NSMCE2: variants seen among roughly 807,000 people sequenced by gnomAD.
The protein encoded by NSMCE2 is NSE2 SUMO ligase component of SMC5/6 complex.
NSMCE2 carries 24 observed loss-of-function variants against 23.8 expected under a neutral mutation model. That is an observed-to-expected ratio of 1.01 (90% CI 0.73 to 1.42). NSMCE2 has a LOEUF of 1.42. Among genes scored for constraint, NSMCE2 ranks in the 40% most tolerant of loss-of-function variants. The pLI, the probability that NSMCE2 is intolerant of heterozygous loss-of-function variation, is 0.00. For missense variants in NSMCE2, 284 were observed against 296.5 expected (o/e 0.96, Z 0.31); for synonymous variants, 92 against 94.1 (o/e 0.98, Z 0.13).
At chr8:125,103,538 TCTG>T (rs1429819520) in intron 3 of NSMCE2, among the ~76,000 whole-genome samples, 1 of 152,202 alleles carries the variant, frequency 6.6e-6, no homozygotes, top group African/African-American at 2.4e-5. Context: ...TGGAAAAATT[TCTG>T]CTACTATTTC....
intron 5 of NSMCE2, among the ~76,000 whole-genome samples, chr8:125,209,838 T>A (rs1239466754): frequency 6.6e-6 from 1 of 152,236 alleles, no homozygotes; most frequent in Non-Finnish European, 1.5e-5. Flanking sequence ...TAATAGCTCT[T>A]ATCATTTCAT....
At chr8:125,319,914 C>T (rs1175925700) in intron 5 of NSMCE2, among the ~76,000 whole-genome samples, 8 of 151,968 alleles carry the variant, frequency 5.3e-5, no homozygotes, top group African/African-American at 1.2e-4. Flanking sequence ...TGGTGGCTCA[C>T]GCCTGTAATC....
intron 4 of NSMCE2, among the ~76,000 whole-genome samples, chr8:125,168,356 A>G (rs1198179511): frequency 6.6e-6 from 1 of 152,224 alleles, no homozygotes; most frequent in Admixed American, 6.5e-5. Flanking sequence ...GAAAAGGAAG[A>G]AGACTGTCTA....
At chr8:125,258,835 T>C (rs1235052518) in intron 5 of NSMCE2, among the ~76,000 whole-genome samples, 2 of 152,220 alleles carry the variant, frequency 1.3e-5, no homozygotes, top group Non-Finnish European at 2.9e-5. Context: ...TGACATTTCC[T>C]TGGTACAAGA....
intron 5 of NSMCE2, among the ~76,000 whole-genome samples, chr8:125,265,615 C>T (rs907256729): frequency 2.0e-5 from 3 of 152,202 alleles, no homozygotes; most frequent in Non-Finnish European, 4.4e-5. Flanking sequence ...TTTTGCCTCT[C>T]AGGCAGGTGG....
chr8:125,306,823 G>C (rs1828783593), intron 5 of NSMCE2, among the ~76,000 whole-genome samples: 1 of 152,126 alleles, frequency 6.6e-6, no homozygotes, highest in Non-Finnish European at 1.5e-5. Context: ...GTGACCTTGG[G>C]CAAAATACTT....
At chr8:125,190,870 T>C (rs893913216) in intron 5 of NSMCE2, among the ~76,000 whole-genome samples, 79 of 152,118 alleles carry the variant, frequency 5.2e-4, no homozygotes, top group Non-Finnish European at 9.7e-4. Flanking sequence ...TTTATGTACA[T>C]TATTATGATT....
intron 5 of NSMCE2, among the ~76,000 whole-genome samples, chr8:125,191,137 A>C (rs6470342): frequency 6.6e-6 from 1 of 151,896 alleles, no homozygotes; most frequent in African/African-American, 2.4e-5. Flanking sequence ...CTCCCAAAGC[A>C]CTGGGATTAC....
intron 5 of NSMCE2, among the ~76,000 whole-genome samples, chr8:125,294,221 G>T (rs1445956787): frequency 6.6e-6 from 1 of 152,090 alleles, no homozygotes; most frequent in East Asian, 1.9e-4. Context: ...ATGGTCATCT[G>T]GGTTCTTTCT....
chr8:125,127,062 A>G (rs1000437167), intron 3 of NSMCE2: 2 of 152,200 alleles, frequency 1.3e-5, no homozygotes, highest in Non-Finnish European at 1.5e-5. Context: ...GCTATCTGCT[A>G]GCTCTGTGAG....
intron 3 of NSMCE2, among the ~76,000 whole-genome samples, chr8:125,142,103 A>G (rs1438422250): frequency 6.6e-6 from 1 of 152,208 alleles, no homozygotes; most frequent in Non-Finnish European, 1.5e-5. Context: ...TGCTTTCAGT[A>G]TTTAGACTAA....
At position 125,172,542 on chromosome 8, in the gene NSMCE2, G is replaced by A. The variant is rs549062078; in HGVS notation, c.265-9561G>A. Among the ~76,000 whole-genome samples, 8 of 152,310 alleles carry A rather than the reference G, an allele frequency of 5.3e-5. No homozygotes were observed. In the South Asian group the frequency reaches 1.4e-3, roughly 28 times the overall value. On this transcript the variant is annotated intron_variant, in intron 4 of 7. Coordinates refer to ENST00000287437, the MANE Select transcript of NSMCE2 (RefSeq NM_173685.4). ...TCTCCCCCTCCCCAAAAGGGGGAAT[G>A]ATACATCTTACCAGGTACCGTTTCC...
At chr8:125,124,263 C>A (rs988158305) in intron 3 of NSMCE2, 6 of 152,028 alleles carry the variant, frequency 3.9e-5, no homozygotes, top group Non-Finnish European at 5.9e-5. Context: ...TTTCACTGTA[C>A]TTCTGTTAAA....
At chr8:125,256,699 G>T (rs144154887) in intron 5 of NSMCE2, among the ~76,000 whole-genome samples, 3,806 of 152,150 alleles carry the variant, frequency 0.025, 147 homozygotes, top group African/African-American at 0.087. Context: ...GCCGAGGCGG[G>T]TGGATCATGA....
At chr8:125,245,680 A>G (rs1825932296) in intron 5 of NSMCE2, among the ~76,000 whole-genome samples, 1 of 152,196 alleles carries the variant, frequency 6.6e-6, no homozygotes, top group South Asian at 2.1e-4. Flanking sequence ...AAGCAGAAAA[A>G]CAATAAAATG....
At chr8:125,228,642 A>G (rs985787283) in intron 5 of NSMCE2, among the ~76,000 whole-genome samples, 13 of 152,336 alleles carry the variant, frequency 8.5e-5, no homozygotes, top group Admixed American at 7.2e-4. Context: ...GGCTGAGAGC[A>G]TATGTCATAT....
In NSMCE2 at chr8:125,225,137, CTAACATGAGCTGAG is replaced by C. The variant is rs369791999; in HGVS notation, c.418+42883_418+42896del. The stretch of plus-strand genomic sequence containing the variant: ...TTTCTTAGGCTATATGTGCTAATCC[CTAACATGAGCTGAG>C]TTTGAGAACTTAATGTTTTTACATA... On this transcript the variant is annotated intron_variant, in intron 5 of 7. Transcript: ENST00000287437. Among the ~76,000 whole-genome samples, 767 of 152,264 alleles carry C rather than the reference CTAACATGAGCTGAG, an allele frequency of 5.0e-3. 8 individuals are homozygous for C. The highest frequency in any genetic ancestry group is 0.017 in the African/African-American group (707 of 41,536).
intron 4 of NSMCE2, among the ~76,000 whole-genome samples, chr8:125,152,818 G>A (rs1266236273): frequency 2.0e-5 from 3 of 152,058 alleles, no homozygotes; most frequent in Non-Finnish European, 4.4e-5. Flanking sequence ...AGCACTTTGG[G>A]AGGCCGAGGC....
chr8:125,235,084 A>G (rs1825486284), intron 5 of NSMCE2, among the ~76,000 whole-genome samples: 1 of 152,104 alleles, frequency 6.6e-6, no homozygotes, highest in South Asian at 2.1e-4. Flanking sequence ...CACCTCTACT[A>G]AAAATACAAA....
Sources: gnomAD v4.1 joint callset for allele counts (sites outside exome capture counted in the v4.1 genomes callset) on GRCh38, gnomAD v4.1.1 for gene constraint, MANE v1.5 for transcripts, NCBI Gene and HGNC (gene_info 2026-07-23, HGNC 2026-07-21) for gene names.